Variants in SNX8 observed in about 807,000 individuals in gnomAD.
SNX8 encodes the protein sorting nexin 8.
A neutral mutation model predicts 51.6 loss-of-function variants in SNX8; 25 were observed. The ratio of observed to expected loss-of-function variants is 0.48; its 90% CI spans 0.35 to 0.68. The LOEUF (loss-of-function observed/expected upper bound fraction) is 0.68. Among genes scored for constraint, SNX8 ranks in the 30% least tolerant of loss-of-function variants. SNX8 has a pLI of 0.00. For missense variants in SNX8, 695 were observed against 624.0 expected, an observed-to-expected ratio of 1.11 and a Z score of -1.21; for synonymous variants, 324 against 277.0, an observed-to-expected ratio of 1.17 and a Z score of -1.68.
chr7:2,255,113 T>C lies in SNX8; in HGVS notation c.1341A>G (p.Pro447=). 6.3e-7 allele frequency: 1 copy of C among 1,581,252 alleles called. No individual in the cohort carries two copies. Among genetic ancestry groups the C allele is most frequent in the East Asian group, 2.3e-5 (1 of 43,048 alleles). The change falls in exon 11 of 11, where the codon CCA becomes CCG. Residue 447 remains proline, a synonymous_variant. Transcript: ENST00000222990. ...RPKLSCLFAG[P]HSTLTPPCSP... ...AGCACGGTGGGGTCAGGGTGCTGTG[T>C]GGTCCCGCAAAGAGGCAGCTGAGCT...
At chr7:2,272,974 C>T (rs1216478235) in intron 3 of SNX8, among the ~76,000 whole-genome samples, 1 of 151,874 alleles carries the variant, frequency 6.6e-6, no homozygotes, top group Non-Finnish European at 1.5e-5. Flanking sequence ...GCTGGGATTA[C>T]AGGCACCCGC....
At chr7:2,265,899 G>T (rs1005027828) in intron 5 of SNX8, among the ~76,000 whole-genome samples, 1 of 151,264 alleles carries the variant, frequency 6.6e-6, no homozygotes, top group Non-Finnish European at 1.5e-5. Context: ...ATTGCTTGAG[G>T]CCAAGAGTTC....
At chr7:2,277,169 G>A (rs1795799579) in intron 2 of SNX8, among the ~76,000 whole-genome samples, 1 of 152,172 alleles carries the variant, frequency 6.6e-6, no homozygotes, top group South Asian at 2.1e-4. Context: ...TGCCCAGGAT[G>A]AACAATGAAA....
chr7:2,332,890 G>A (rs752023864), intron 1 of SNX8, among the ~76,000 whole-genome samples: 104 of 150,752 alleles, frequency 6.9e-4, no homozygotes, highest in Non-Finnish European at 1.3e-3. Context: ...AAGAAAGAAA[G>A]AAAAGAAAGA....
At chr7:2,268,456 G>A (rs1191926534) in intron 5 of SNX8, among the ~76,000 whole-genome samples, 1 of 142,838 alleles carries the variant, frequency 7.0e-6, no homozygotes, top group Non-Finnish European at 1.6e-5. Flanking sequence ...AGGTGGGGGG[G>A]GTCAGCCCCC....
rs1024549358 is a variant in SNX8 at position 2,343,656 on chromosome 7, C to T, written c.-66+10566G>A. ...TGCCACTGCCCTCCAGCCTAGGCGA[C>T]AGAGTAAGATCCAATCTCAATAAAT... On this transcript the variant is annotated intron_variant, in intron 1 of 5. Coordinates refer to the SNX8 transcript ENST00000435336. Among the ~76,000 whole-genome samples the T allele has an allele frequency of 2.6e-5, 4 of 152,148 alleles. No homozygotes were observed. In the East Asian group the frequency reaches 7.8e-4, roughly 30 times the overall value.
intron 1 of SNX8, among the ~76,000 whole-genome samples, chr7:2,286,451 A>T (rs976855408): frequency 4.6e-5 from 7 of 151,908 alleles, no homozygotes; most frequent in Non-Finnish European, 8.8e-5. Context: ...ACCTGTACAC[A>T]TCTATATTCA....
At chr7:2,282,568 C>T (rs1251315166) in intron 1 of SNX8, among the ~76,000 whole-genome samples, 1 of 152,220 alleles carries the variant, frequency 6.6e-6, no homozygotes, top group Non-Finnish European at 1.5e-5. Flanking sequence ...CCATCTCCCG[C>T]CCAGTGTCTT....
intron 1 of SNX8, chr7:2,287,878 C>G (rs1796067688): frequency 6.6e-6 from 1 of 151,914 alleles, no homozygotes; most frequent in Non-Finnish European, 1.5e-5. Flanking sequence ...CCATTGCACT[C>G]CTGCCTGGGC....
In SNX8 at chr7:2,257,437, C is replaced by T. The variant is rs866717645; in HGVS notation, c.1062G>A (p.Arg354=). ...TCTGCGCGGTGGCGCTCATCATCTG[C>T]CTCTTCATCAGGCTGTACTTGTGCA... The part of the protein sequence containing the change: ...RALHKYSLMK[R]QMMSATAQNR... Residue 354 remains arginine (R), a synonymous_variant, in exon 9 of 11, where the codon AGG becomes AGA. Coordinates refer to ENST00000222990, the MANE Select transcript of SNX8 (RefSeq NM_013321.4). The T allele has an allele frequency of 1.5e-5, 24 of 1,610,438 alleles. No homozygotes were observed. The East Asian group carries it at 5.1e-4, about 34-fold the overall frequency.
chr7:2,269,749 A>C, intron 4 of SNX8, 110 bp from the exon 5 acceptor site: 1 of 630,674 alleles, frequency 1.6e-6, no homozygotes. Context: ...GGAGAAACAC[A>C]TTTCCATATG....
intron 3 of SNX8, among the ~76,000 whole-genome samples, chr7:2,272,497 C>A (rs529757193): frequency 9.2e-5 from 14 of 151,688 alleles, no homozygotes; most frequent in Admixed American, 5.9e-4. Flanking sequence ...GTCTCAGCCT[C>A]TGGAATTAGC....
chr7:2,309,935 C>T, intron 1 of SNX8: 1 of 462,868 alleles, frequency 2.2e-6, no homozygotes, highest in African/African-American at 2.0e-5. Context: ...CCTGGACCTG[C>T]CTCAATGACA....
chr7:2,324,738 A>G (rs1281718778), intron 1 of SNX8, among the ~76,000 whole-genome samples: 1 of 152,184 alleles, frequency 6.6e-6, no homozygotes, highest in Non-Finnish European at 1.5e-5. Flanking sequence ...GCTGCAAGAC[A>G]CCATTCTCAC....
intron 1 of SNX8, among the ~76,000 whole-genome samples, chr7:2,327,960 G>C (rs1050721745): frequency 6.6e-6 from 1 of 151,952 alleles, no homozygotes; most frequent in Non-Finnish European, 1.5e-5. Context: ...GGACCTGCTG[G>C]GCTCAACGGA....
intron 1 of SNX8, among the ~76,000 whole-genome samples, chr7:2,294,548 T>A (rs1796228143): frequency 6.6e-6 from 1 of 152,158 alleles, no homozygotes; most frequent in African/African-American, 2.4e-5. Context: ...CTGCCCAAGG[T>A]CACAGAGCCA....
chr7:2,308,462 G>A (rs1796593949), intron 1 of SNX8, among the ~76,000 whole-genome samples: 1 of 151,926 alleles, frequency 6.6e-6, no homozygotes, highest in Non-Finnish European at 1.5e-5. Context: ...GAAGTCAGGA[G>A]TTCGAGACCA....
At chr7:2,274,826 G>A (rs909894541) in intron 3 of SNX8, 7 of 383,156 alleles carry the variant, frequency 1.8e-5, no homozygotes, top group South Asian at 3.8e-5. Flanking sequence ...CTCTGGAGAG[G>A]AGAACTAGGG....
At chr7:2,323,222 C>T (rs943334759) in intron 1 of SNX8, among the ~76,000 whole-genome samples, 9 of 148,362 alleles carry the variant, frequency 6.1e-5, no homozygotes, top group African/African-American at 2.0e-4. Context: ...CCCATCTGCT[C>T]GGGAAGCTGA....
Sources: gnomAD v4.1 joint callset for allele counts (sites outside exome capture counted in the v4.1 genomes callset) on GRCh38, gnomAD v4.1.1 for gene constraint, MANE v1.5 for transcripts, NCBI Gene and HGNC (gene_info 2026-07-23, HGNC 2026-07-21) for gene names.